CPS1: variants seen among roughly 807,000 people sequenced by gnomAD.
CPS1 encodes the protein carbamoyl-phosphate synthase 1, also known as carbamoyl-phosphate synthase [ammonia], mitochondrial.
CPS1 carries 109 observed loss-of-function variants against 174.6 expected under a neutral mutation model. The ratio of observed to expected loss-of-function variants is 0.62; its 90% CI spans 0.53 to 0.73. CPS1 has a LOEUF of 0.73. CPS1 is among the 30% of genes least tolerant of loss of function. The pLI, the probability that CPS1 is intolerant of heterozygous loss-of-function variation, is 0.00. For synonymous variants in CPS1, 637 were observed against 632.0 expected (o/e 1.01, Z -0.12); for missense variants, 1,689 against 1,821.9 (o/e 0.93, Z 1.33).
intron 20 of CPS1, among the ~76,000 whole-genome samples, chr2:210,612,852 A>G (rs1394458339): frequency 6.6e-6 from 1 of 151,918 alleles, no homozygotes; most frequent in Non-Finnish European, 1.5e-5. Context: ...AAAAGGCCCT[A>G]CATTTCTCAC....
chr2:210,674,787 T>G (rs1701465375), intron 34 of CPS1, 115 bp from the exon 35 acceptor site: 1 of 882,308 alleles, frequency 1.1e-6, no homozygotes, highest in African/African-American at 1.6e-5. Flanking sequence ...TTTTTTAATA[T>G]AAAGCATCCG....
At chr2:210,668,373 A>G (rs1701176358) in intron 34 of CPS1, 89 bp downstream of exon 34, 10 of 922,754 alleles carry the variant, frequency 1.1e-5, no homozygotes, top group South Asian at 1.0e-4. Flanking sequence ...GTATAGAGGA[A>G]GGGAGATTTG....
At chr2:210,646,317 T>C (rs1020249164) in intron 25 of CPS1, among the ~76,000 whole-genome samples, 6 of 152,128 alleles carry the variant, frequency 3.9e-5, no homozygotes, top group Admixed American at 3.9e-4. Context: ...TTTGCAAAAA[T>C]TTATATTGAA....
chr2:210,567,842 C>G (rs1436849749), intron 1 of CPS1, among the ~76,000 whole-genome samples: 6 of 152,096 alleles, frequency 3.9e-5, no homozygotes, highest in Non-Finnish European at 8.8e-5. Context: ...AAATATTTGT[C>G]TTTGCTTTCA....
intron 1 of CPS1, among the ~76,000 whole-genome samples, chr2:210,544,284 T>C (rs1003902621): frequency 3.3e-5 from 5 of 152,110 alleles, no homozygotes; most frequent in South Asian, 2.1e-4. Flanking sequence ...TTACTATAAA[T>C]ATTCTTTCTC....
At chr2:210,500,199 G>A (rs1695104248) in intron 1 of CPS1, among the ~76,000 whole-genome samples, 1 of 151,978 alleles carries the variant, frequency 6.6e-6, no homozygotes, top group South Asian at 2.1e-4. Flanking sequence ...TGACACCTGG[G>A]GATTATCATT....
At position 210,487,540 on chromosome 2, in the gene CPS1, G is replaced by A. The variant is rs191320039; in HGVS notation, c.3+9774G>A. 2.0e-5 allele frequency among the ~76,000 whole-genome samples: 3 copies of A among 152,310 alleles called. No individual in the cohort carries two copies. The East Asian group carries it at 5.8e-4, about 29-fold the overall frequency. On this transcript the variant is annotated intron_variant, in intron 1 of 38. Transcript: ENST00000430249. ...CTTTACATAAAATAGAAAAGCATCA[G>A]TTGTACATATTAAGGAATGAGGGGT...
At chr2:210,579,809 G>GT in intron 5 of CPS1, 39 bp downstream of exon 5, 1 of 1,338,030 alleles carries the variant, frequency 7.5e-7, no homozygotes, top group Non-Finnish European at 1.1e-6. Flanking sequence ...TGTTTCTTCG[G>GT]GTGTGTGTGT....
At chr2:210,586,127 G>A (rs553258442) in intron 6 of CPS1, among the ~76,000 whole-genome samples, 2 of 151,774 alleles carry the variant, frequency 1.3e-5, no homozygotes, top group Non-Finnish European at 2.9e-5. Flanking sequence ...CTGGTATTCC[G>A]GCTCCTGTCA....
intron 37 of CPS1, 40 bp from the exon 38 acceptor site, chr2:210,677,847 A>T (rs374968093): frequency 6.9e-7 from 1 of 1,443,644 alleles, no homozygotes; most frequent in African/African-American, 1.4e-5. Context: ...ATTCACTTTT[A>T]TCTCATGGAG....
At chr2:210,626,648 A>G (rs1289032984) in intron 21 of CPS1, among the ~76,000 whole-genome samples, 1 of 152,190 alleles carries the variant, frequency 6.6e-6, no homozygotes, top group Non-Finnish European at 1.5e-5. Context: ...TGAAATCTCT[A>G]ACTCCTGGTG....
At position 210,655,140 on chromosome 2, in the gene CPS1, C is replaced by T. The variant is rs538895039; in HGVS notation, c.3558+1038C>T. 3.2e-4 allele frequency among the ~76,000 whole-genome samples: 48 copies of T among 152,140 alleles called. No homozygotes were observed. In the South Asian group the frequency reaches 7.1e-3, roughly 22 times the overall value. The stretch of plus-strand genomic sequence containing the variant: ...GGTCTGTTTCCTTGGAAGTCTTATC[C>T]CTGATTTTCTGAGTTTCAGAGCAAA... On this transcript the variant is annotated intron_variant, in intron 29 of 37. Transcript: ENST00000233072.
At position 210,647,884 on chromosome 2, in the gene CPS1, T is replaced by G. The variant is rs964630146; in HGVS notation, c.3163T>G (p.Ser1055Ala). 1 of 1,613,986 alleles carries G rather than the reference T, an allele frequency of 6.2e-7. No homozygotes were observed. Among genetic ancestry groups the G allele is most frequent in the Non-Finnish European group, 8.5e-7 (1 of 1,179,912 alleles). ...HQEACGGCII[S>A]VGGQIPNNLA... is the part of the protein sequence containing the mutation. ...CCAGGCATGTGGTGGCTGCATCATA[T>G]CAGTTGGAGGCCAGATTCCAAACAA... The change falls in exon 26 of 38, where the codon TCA becomes GCA. Residue 1055 changes from serine to alanine, a missense_variant. Transcript: ENST00000233072.
At chr2:210,573,111 C>T (rs1697569158) in intron 1 of CPS1, among the ~76,000 whole-genome samples, 187 bp from the exon 2 acceptor site, 1 of 151,958 alleles carries the variant, frequency 6.6e-6, no homozygotes, top group Admixed American at 6.6e-5. Flanking sequence ...AAACATCTGC[C>T]AGTTACAAGA....
At chr2:210,627,284 T>C (rs1574611764) in intron 21 of CPS1, among the ~76,000 whole-genome samples, 1 of 152,256 alleles carries the variant, frequency 6.6e-6, no homozygotes. Context: ...AGGATAATAA[T>C]TTTCTTTTTA....
chr2:210,628,813 G>A (rs1468942706), intron 21 of CPS1, among the ~76,000 whole-genome samples: 1 of 151,338 alleles, frequency 6.6e-6, no homozygotes, highest in Admixed American at 6.6e-5. Context: ...AAAAAAAAAA[G>A]TTATTTATTT....
intron 1 of CPS1, among the ~76,000 whole-genome samples, chr2:210,559,024 A>G (rs1217474472): frequency 6.6e-6 from 1 of 152,098 alleles, no homozygotes; most frequent in Non-Finnish European, 1.5e-5. Flanking sequence ...AGAACAGCCC[A>G]AGGGGACTTG....
At position 210,605,175 on chromosome 2, in the gene CPS1, T is replaced by C. The variant is rs141562755; in HGVS notation, c.1910T>C (p.Val637Ala). Residue 637 changes from valine (V) to alanine (A), a missense_variant, in exon 17 of 38, where the codon GTT becomes GCT. By Grantham distance (64) the Val-to-Ala change is moderately conservative. Coordinates refer to ENST00000233072, the MANE Select transcript of CPS1 (RefSeq NM_001875.5). Reference sequence around the variant, plus strand: ...TGGAAAGAAATAGAATATGAAGTGGTTCGAGATGCTGATGACAATTGTGTC... The same window carrying C: ...TGGAAAGAAATAGAATATGAAGTGGCTCGAGATGCTGATGACAATTGTGTC... ...TGWKEIEYEV[V>A]RDADDNCVTV... 54 of 1,612,108 alleles carry C rather than the reference T, an allele frequency of 3.3e-5. No individual in the cohort carries two copies. Among genetic ancestry groups the C allele is most frequent in the Admixed American group, 1.2e-4 (7 of 59,810 alleles).
intron 1 of CPS1, among the ~76,000 whole-genome samples, chr2:210,513,585 T>G (rs76217624): frequency 0.011 from 1,601 of 152,158 alleles, 7 homozygotes; most frequent in Non-Finnish European, 0.016. Flanking sequence ...AGATTCCAGA[T>G]AGTAGACCTT....
Sources: gnomAD v4.1 joint callset for allele counts (sites outside exome capture counted in the v4.1 genomes callset) on GRCh38, gnomAD v4.1.1 for gene constraint, MANE v1.5 for transcripts, NCBI Gene and HGNC (gene_info 2026-07-23, HGNC 2026-07-21) for gene names.